The following AP3B1 variants were observed in gnomAD, a reference collection of about 807,000 sequenced individuals.
AP3B1 encodes the protein AP-3 complex subunit beta-1.
AP3B1 carries 61 observed loss-of-function variants against 132.5 expected under a neutral mutation model. The observed-to-expected ratio is 0.46, with a 90% CI of 0.37 to 0.57. The LOEUF is 0.57. AP3B1 is among the 20% of genes least tolerant of loss of function. The pLI is 0.00. For missense variants in AP3B1, 1,120 were observed against 1,289.4 expected (o/e 0.87, Z 2.01); for synonymous variants, 388 against 438.3 (o/e 0.89, Z 1.43).
intron 22 of AP3B1, among the ~76,000 whole-genome samples, chr5:78,047,982 T>C (rs1235455085): frequency 2.0e-5 from 3 of 152,088 alleles, no homozygotes; most frequent in Non-Finnish European, 4.4e-5. Context: ...GACCACCATA[T>C]ACATCTGTGC....
intron 22 of AP3B1, among the ~76,000 whole-genome samples, chr5:78,051,710 T>A (rs868110306): frequency 1.3e-5 from 2 of 152,298 alleles, no homozygotes; most frequent in Middle Eastern, 3.4e-3. Context: ...TTCAAAGATA[T>A]GAAAATCTGC....
intron 3 of AP3B1, among the ~76,000 whole-genome samples, chr5:78,236,511 A>T (rs944789474): frequency 6.6e-6 from 1 of 152,226 alleles, no homozygotes; most frequent in Admixed American, 6.5e-5. Flanking sequence ...AAGTCAAGCA[A>T]CCTAGCTTTG....
At chr5:78,077,608 T>G (rs940472189) in intron 22 of AP3B1, among the ~76,000 whole-genome samples, 1 of 152,202 alleles carries the variant, frequency 6.6e-6, no homozygotes, top group South Asian at 2.1e-4. Flanking sequence ...AAACCCTACA[T>G]TGAAATACTG....
At chr5:78,278,819 T>C (rs1297511625) in intron 1 of AP3B1, among the ~76,000 whole-genome samples, 1 of 151,972 alleles carries the variant, frequency 6.6e-6, no homozygotes. Flanking sequence ...CGGCATTAGA[T>C]TATCAGAGGA....
At chr5:78,125,821 T>C in intron 17 of AP3B1, among the ~76,000 whole-genome samples, 1 of 152,162 alleles carries the variant, frequency 6.6e-6, no homozygotes, top group Non-Finnish European at 1.5e-5. Context: ...GAAACGAACA[T>C]AATATGTTAT....
At chr5:78,204,808 G>A (rs746319956) in intron 7 of AP3B1, among the ~76,000 whole-genome samples, 1 of 152,128 alleles carries the variant, frequency 6.6e-6, no homozygotes, top group East Asian at 1.9e-4. Flanking sequence ...ATAGAGTGAG[G>A]GTAAGTTTAA....
At chr5:78,058,004 C>T (rs1028208157) in intron 22 of AP3B1, among the ~76,000 whole-genome samples, 5 of 152,006 alleles carry the variant, frequency 3.3e-5, no homozygotes, top group African/African-American at 7.3e-5. Flanking sequence ...TCACAGTATG[C>T]GAATCATGTT....
chr5:78,100,186 G>A (rs772239330), intron 21 of AP3B1, among the ~76,000 whole-genome samples: 18 of 151,982 alleles, frequency 1.2e-4, no homozygotes, highest in Non-Finnish European at 2.4e-4. Flanking sequence ...GACAGGGCAG[G>A]TAACAGTATA....
intron 23 of AP3B1, among the ~76,000 whole-genome samples, chr5:78,037,648 A>G (rs184416216): frequency 8.2e-4 from 125 of 152,350 alleles, no homozygotes; most frequent in Middle Eastern, 3.4e-3. Context: ...AAGAGCTCAG[A>G]TAAAGAAAAA....
In AP3B1 at chr5:78,129,643, A is replaced by G. The variant is rs561887431; in HGVS notation, c.1651-336T>C. 2.0e-5 allele frequency among the ~76,000 whole-genome samples: 3 copies of G among 152,228 alleles called. No individual in the cohort carries two copies. In the East Asian group the frequency reaches 5.8e-4, roughly 29 times the overall value. The stretch of plus-strand genomic sequence containing the variant: ...TGAGAATAATGAATGTGGAAATACA[A>G]CTAAAAACATGGCACTCAAAACTTA... On this transcript the variant is annotated intron_variant, in intron 15 of 26. Transcript: ENST00000255194.
In AP3B1 at chr5:78,144,886, T is replaced by C. The variant is rs556287103; in HGVS notation, c.1474-3567A>G. Among the ~76,000 whole-genome samples the C allele has an allele frequency of 2.0e-5, 3 of 152,158 alleles. No homozygotes were observed. In the South Asian group the frequency reaches 6.2e-4, roughly 32 times the overall value. ...TCTTACTCTGTCATCCAGGCTGGAG[T>C]GCGGTGGTGCAATCATTGCTCACTA... On this transcript the variant is annotated intron_variant, in intron 14 of 26. Coordinates refer to ENST00000255194, the MANE Select transcript of AP3B1 (RefSeq NM_003664.5).
At position 78,252,460 on chromosome 5, in the gene AP3B1, T is replaced by C. The variant is rs554697838; in HGVS notation, c.205-11524A>G. 2.6e-5 allele frequency among the ~76,000 whole-genome samples: 4 copies of C among 152,310 alleles called. No homozygotes were observed. The East Asian group carries it at 7.7e-4, about 29-fold the overall frequency. Reference sequence around the variant, plus strand: ...TGGGCCAGAAGGGAGCCCACTGTCCTGAAGGGTGAGTCCCAGGCCAAGCAG... The same window carrying C: ...TGGGCCAGAAGGGAGCCCACTGTCCCGAAGGGTGAGTCCCAGGCCAAGCAG... On this transcript the variant is annotated intron_variant, in intron 2 of 26. Coordinates refer to ENST00000255194, the MANE Select transcript of AP3B1 (RefSeq NM_003664.5).
intron 13 of AP3B1, among the ~76,000 whole-genome samples, chr5:78,159,458 G>A (rs895657125): frequency 1.3e-5 from 2 of 152,108 alleles, no homozygotes; most frequent in Admixed American, 1.3e-4. Context: ...ACAGGGCTGC[G>A]TTCCCTCTGG....
At position 78,288,430 on chromosome 5, in the gene AP3B1, A is replaced by G. The variant is rs190230167; in HGVS notation, c.128+6022T>C. Among the ~76,000 whole-genome samples, 8 of 152,346 alleles carry G rather than the reference A, an allele frequency of 5.3e-5. No individual in the cohort carries two copies. In the East Asian group the frequency reaches 1.3e-3, roughly 26 times the overall value. ...TAAAGATGCCTTTGAAGACTGGGATAAAGACTAAAAATCCTGATTGTAAAG... is the reference window on the plus strand; with the variant it reads ...TAAAGATGCCTTTGAAGACTGGGATGAAGACTAAAAATCCTGATTGTAAAG... On this transcript the variant is annotated intron_variant, in intron 1 of 26. Coordinates refer to ENST00000255194, the MANE Select transcript of AP3B1 (RefSeq NM_003664.5).
chr5:78,202,078 C>T (rs868254528), intron 7 of AP3B1, among the ~76,000 whole-genome samples: 44 of 152,034 alleles, frequency 2.9e-4, no homozygotes, highest in African/African-American at 1.1e-3. Context: ...CTTTCCCGTG[C>T]TATGTTCGTG....
chr5:78,274,922 T>TTA (rs1554034792), intron 1 of AP3B1, among the ~76,000 whole-genome samples: 4 of 135,198 alleles, frequency 3.0e-5, no homozygotes, highest in East Asian at 2.1e-4. Context: ...ATCTTTTTTT[T>TTA]AAAAAAAAAG....
chr5:78,259,477 T>C (rs1747990937), intron 2 of AP3B1, among the ~76,000 whole-genome samples: 2 of 152,068 alleles, frequency 1.3e-5, no homozygotes, highest in African/African-American at 4.8e-5. Context: ...GTGACCACAA[T>C]CAACAATAAT....
chr5:78,093,210 G>A (rs886583481), intron 21 of AP3B1, among the ~76,000 whole-genome samples: 1 of 151,740 alleles, frequency 6.6e-6, no homozygotes, highest in African/African-American at 2.4e-5. Flanking sequence ...TTTTGTTTTT[G>A]GAAATAGGGT....
intron 1 of AP3B1, among the ~76,000 whole-genome samples, chr5:78,277,527 G>A (rs1748833947): frequency 6.6e-6 from 1 of 152,122 alleles, no homozygotes; most frequent in Non-Finnish European, 1.5e-5. Context: ...AAGTAAGACT[G>A]GGTGATCACA....
Sources: allele counts gnomAD v4.1 joint callset (sites outside exome capture counted in the v4.1 genomes callset), GRCh38; gene constraint gnomAD v4.1.1; transcripts MANE v1.5; gene names NCBI Gene and HGNC (gene_info 2026-07-23, HGNC 2026-07-21).